PTPN13: variants seen among roughly 807,000 people sequenced by gnomAD.
The protein encoded by PTPN13 is protein tyrosine phosphatase non-receptor type 13.
A neutral mutation model predicts 284.0 loss-of-function variants in PTPN13; 191 were observed. The observed-to-expected ratio is 0.67, with a 90% CI of 0.60 to 0.76. The LOEUF (loss-of-function observed/expected upper bound fraction) is 0.76. Ranked by LOEUF, PTPN13 falls within the 30% of genes least tolerant of loss-of-function variation. The pLI is 0.00. For synonymous variants in PTPN13, 986 were observed against 1,022.3 expected (o/e 0.96, Z 0.68); for missense variants, 2,797 against 2,939.9 (o/e 0.95, Z 1.12).
At chr4:86,716,651 CTG>C in intron 8 of PTPN13, 26 bp downstream of exon 8, 2 of 1,420,054 alleles carry the variant, frequency 1.4e-6, no homozygotes, top group East Asian at 2.4e-5. Context: ...AACAAGCAAA[CTG>C]TTTTTAAGAA....
rs148237708 is a variant in PTPN13, at chr4:86,798,796, A to G, written c.6402-305A>G. Among the ~76,000 whole-genome samples, 723 of 152,334 alleles carry G rather than the reference A, an allele frequency of 4.7e-3. 11 individuals carry two copies. Among genetic ancestry groups the G allele is most frequent in the African/African-American group, 0.017 (696 of 41,574 alleles). On this transcript the variant is annotated intron_variant, in intron 41 of 47. Coordinates refer to ENST00000411767, the MANE Select transcript of PTPN13 (RefSeq NM_080683.3). ...GGAGAAAGAGCTATATGCCGGTACA[A>G]TTGTAATCACTCATCCATGTTGAAG...
intron 6 of PTPN13, among the ~76,000 whole-genome samples, chr4:86,697,534 C>A (rs1327825604): frequency 6.6e-6 from 1 of 152,094 alleles, no homozygotes; most frequent in Non-Finnish European, 1.5e-5. Flanking sequence ...TACTTTGTTA[C>A]CTAATACTGC....
At chr4:86,666,920 G>C (rs1230174536) in intron 2 of PTPN13, among the ~76,000 whole-genome samples, 1 of 152,194 alleles carries the variant, frequency 6.6e-6, no homozygotes, top group African/African-American at 2.4e-5. Flanking sequence ...CTAGTCCCAG[G>C]TAACCTTTTC....
In PTPN13 at chr4:86,745,232, A is replaced by G. The variant is rs186670095; in HGVS notation, c.2650+104A>G. Reference sequence around the variant, plus strand: ...TGATTAGGATGAAAACTTACAATGTATATACATGTTAAATAGCTAAATCAA... The same window carrying G: ...TGATTAGGATGAAAACTTACAATGTGTATACATGTTAAATAGCTAAATCAA... On this transcript the variant is annotated intron_variant, in intron 17 of 47. Transcript: ENST00000411767. 10 of 1,076,318 alleles carry G rather than the reference A, an allele frequency of 9.3e-6. No individual in the cohort carries two copies. In the Admixed American group the frequency reaches 2.3e-4, roughly 25 times the overall value. The allele number at this position is 1,076,318 out of a possible 1,614,324, so 66.7% of individuals were successfully genotyped here.
intron 2 of PTPN13, among the ~76,000 whole-genome samples, chr4:86,665,103 AGCATAGTTCTG>A (rs1726914522): frequency 1.3e-5 from 2 of 152,202 alleles, no homozygotes; most frequent in Non-Finnish European, 2.9e-5. Flanking sequence ...GTTGCCAAGT[AGCATAGTTCTG>A]GAAGTACATA....
intron 20 of PTPN13, among the ~76,000 whole-genome samples, chr4:86,755,656 TCAGTA>T (rs775271922): frequency 6.6e-6 from 1 of 152,072 alleles, no homozygotes; most frequent in East Asian, 1.9e-4. Context: ...TTTTTCACTT[TCAGTA>T]CAGTATTCAG....
chr4:86,631,023 A>AT (rs35595892), intron 1 of PTPN13, among the ~76,000 whole-genome samples: 1 of 152,080 alleles, frequency 6.6e-6, no homozygotes, highest in East Asian at 1.9e-4. Flanking sequence ...CTTATTTGAA[A>AT]TTTTTTTCCA....
chr4:86,807,422 A>G (rs531054108), intron 44 of PTPN13, 138 bp from the exon 45 acceptor site: 2 of 647,082 alleles, frequency 3.1e-6, no homozygotes, highest in South Asian at 2.2e-5. Flanking sequence ...ATTTGAAAAT[A>G]TACTTCTATT....
At position 86,701,815 on chromosome 4, in the gene PTPN13, T is replaced by C. The variant is rs1293269566; in HGVS notation, c.1195+14T>C. ...TGAATGTAGAAGGTTAGTAATTCTG[T>C]GCATGTTTGAGAAAGAATTGAAGTA... On this transcript the variant is annotated intron_variant, in intron 7 of 47. Transcript: ENST00000411767. 2 of 1,564,456 alleles carry C rather than the reference T, an allele frequency of 1.3e-6. No homozygotes were observed. The highest frequency in any genetic ancestry group is 2.2e-5 in the East Asian group (1 of 44,456).
chr4:86,773,958 G>C (rs1211446398), intron 32 of PTPN13, among the ~76,000 whole-genome samples: 1 of 151,414 alleles, frequency 6.6e-6, no homozygotes, highest in East Asian at 1.9e-4. Flanking sequence ...GTGGCTCTTT[G>C]CATCTGTTTA....
At chr4:86,731,045 A>G (rs531951564) in intron 10 of PTPN13, among the ~76,000 whole-genome samples, 45 of 152,192 alleles carry the variant, frequency 3.0e-4, no homozygotes, top group South Asian at 2.1e-4. Context: ...CATAAATGGT[A>G]TCTGTCACAT....
intron 35 of PTPN13, among the ~76,000 whole-genome samples, chr4:86,780,090 T>A (rs1242332892): frequency 1.3e-5 from 2 of 152,116 alleles, no homozygotes; most frequent in African/African-American, 4.8e-5. Flanking sequence ...TGATTCTTAA[T>A]CTTTTTTGGG....
At chr4:86,683,782 T>C (rs1253769609) in intron 3 of PTPN13, among the ~76,000 whole-genome samples, 6 of 152,190 alleles carry the variant, frequency 3.9e-5, no homozygotes, top group Non-Finnish European at 7.3e-5. Context: ...ACTTGGCATA[T>C]TGAGAAGTAA....
chr4:86,666,414 T>TCTCTCTC (rs1727084159), intron 2 of PTPN13, among the ~76,000 whole-genome samples: 1 of 150,850 alleles, frequency 6.6e-6, no homozygotes, highest in South Asian at 2.1e-4. Context: ...TTCTCTCTCT[T>TCTCTCTC]CTCTCTCTCT....
intron 40 of PTPN13, among the ~76,000 whole-genome samples, chr4:86,788,136 T>G (rs1284043231): frequency 6.6e-6 from 1 of 152,158 alleles, no homozygotes; most frequent in Admixed American, 6.5e-5. Context: ...TTAAAACATT[T>G]AAAAATTTTA....
intron 46 of PTPN13, among the ~76,000 whole-genome samples, chr4:86,810,303 G>C (rs1005850697): frequency 6.6e-6 from 1 of 151,754 alleles, no homozygotes; most frequent in African/African-American, 2.4e-5. Flanking sequence ...AGATAGTATT[G>C]TTATCACACT....
At position 86,775,583 on chromosome 4, in the gene PTPN13, G is replaced by C. The variant is rs781408139; in HGVS notation, c.5822G>C (p.Gly1941Ala). The change falls in exon 35 of 48, where the codon GGA (glycine) becomes GCA (alanine). Residue 1941 changes from glycine (G) to alanine (A), a missense_variant. Transcript: ENST00000411767. ...IHYVNGVSTQ[G>A]MTLEEVNRAL... ...TATGTGAACGGAGTCAGCACACAAG[G>C]AATGACCTTGGAGGAAGTTAACAGA... The C allele has an allele frequency of 6.2e-7, 1 of 1,613,492 alleles. No individual in the cohort carries two copies. The highest frequency in any genetic ancestry group is 8.5e-7 in the Non-Finnish European group (1 of 1,179,754).
At chr4:86,653,352 T>C (rs1428510684) in intron 2 of PTPN13, among the ~76,000 whole-genome samples, 2 of 152,190 alleles carry the variant, frequency 1.3e-5, no homozygotes, top group Non-Finnish European at 2.9e-5. Flanking sequence ...TTCCAGTCTT[T>C]GCAGTCTAGT....
chr4:86,683,025 T>C (rs1038963611), intron 3 of PTPN13, among the ~76,000 whole-genome samples: 1 of 152,200 alleles, frequency 6.6e-6, no homozygotes. Context: ...GTGGAACCCA[T>C]ATAAAGTACT....
Sources: allele counts gnomAD v4.1 joint callset (sites outside exome capture counted in the v4.1 genomes callset), GRCh38; gene constraint gnomAD v4.1.1; transcripts MANE v1.5; gene names NCBI Gene and HGNC (gene_info 2026-07-23, HGNC 2026-07-21).